TENM2: variants seen among roughly 807,000 people sequenced by gnomAD.
TENM2 encodes the protein teneurin-2.
Under a neutral mutation model 245.2 loss-of-function variants are expected in TENM2, and 52 were observed. The observed-to-expected ratio is 0.21, with a 90% CI of 0.17 to 0.27. TENM2 has a LOEUF of 0.27. TENM2 is among the 10% of genes least tolerant of loss of function. TENM2 has a pLI of 1.00. For synonymous variants in TENM2, 1,363 were observed against 1,438.9 expected (o/e 0.95, Z 1.19); for missense variants, 3,046 against 3,666.8 (o/e 0.83, Z 4.37).
At chr5:167,962,883 G>A (rs1482512250) in intron 4 of TENM2, among the ~76,000 whole-genome samples, 1 of 152,082 alleles carries the variant, frequency 6.6e-6, no homozygotes, top group Non-Finnish European at 1.5e-5. Flanking sequence ...ATGAGATTTG[G>A]GTAGGGACAC....
chr5:168,221,112 A>G (rs76461056), intron 23 of TENM2, among the ~76,000 whole-genome samples: 1 of 104,812 alleles, frequency 9.5e-6, no homozygotes, highest in Non-Finnish European at 2.1e-5. Flanking sequence ...ACTCTGTCTC[A>G]AAAAAAAAAA....
the TENM2 span, among the ~76,000 whole-genome samples, chr5:167,270,868 T>C: frequency 6.6e-6 from 1 of 152,092 alleles, no homozygotes; most frequent in African/African-American, 2.4e-5. Flanking sequence ...ACTTAACCTC[T>C]CAGAATTTAC....
the TENM2 span, among the ~76,000 whole-genome samples, chr5:166,997,259 G>A: frequency 6.6e-6 from 1 of 152,268 alleles, no homozygotes; most frequent in Admixed American, 6.5e-5. Flanking sequence ...TAGTTACCAA[G>A]AAGAACTGAT....
chr5:167,776,599 A>G (rs1388334247), intron 2 of TENM2, among the ~76,000 whole-genome samples: 3 of 83,928 alleles, frequency 3.6e-5, no homozygotes, highest in African/African-American at 1.2e-4. Context: ...GTCTGAAAAA[A>G]AAAAAAAAAA....
At chr5:167,280,206 G>A (rs759993691), upstream of TENM2, among the ~76,000 whole-genome samples, 2 of 152,130 alleles carry the variant, frequency 1.3e-5, no homozygotes, top group Non-Finnish European at 2.9e-5. Context: ...CATGAGACAC[G>A]CAGTGATACC....
intron 2 of TENM2, among the ~76,000 whole-genome samples, chr5:167,594,875 T>A (rs1776099252): frequency 6.6e-6 from 1 of 152,182 alleles, no homozygotes; most frequent in African/African-American, 2.4e-5. Flanking sequence ...GCAATTTTAC[T>A]TACAAACACA....
the TENM2 span, among the ~76,000 whole-genome samples, chr5:167,024,491 A>T: frequency 6.6e-6 from 1 of 152,176 alleles, no homozygotes; most frequent in Non-Finnish European, 1.5e-5. Flanking sequence ...GTGATGAAGA[A>T]AAATGGAGAT....
chr5:168,014,656 C>T (rs985899523), intron 5 of TENM2, among the ~76,000 whole-genome samples: 7 of 152,152 alleles, frequency 4.6e-5, no homozygotes, highest in Non-Finnish European at 8.8e-5. Flanking sequence ...GCCATCTGTG[C>T]AAAGTATTTT....
chr5:168,106,872 G>A (rs1329901632), intron 9 of TENM2, among the ~76,000 whole-genome samples: 2 of 152,168 alleles, frequency 1.3e-5, no homozygotes, highest in African/African-American at 2.4e-5. Flanking sequence ...ACCAGCCTGG[G>A]CAACGTGGTG....
intron 3 of TENM2, among the ~76,000 whole-genome samples, chr5:167,935,650 T>C (rs1024254383): frequency 6.6e-6 from 1 of 152,094 alleles, no homozygotes; most frequent in Non-Finnish European, 1.5e-5. Context: ...TGGTTCCACC[T>C]GCAGGGGAAG....
intron 2 of TENM2, among the ~76,000 whole-genome samples, chr5:167,779,966 C>T (rs752575605): frequency 6.6e-6 from 1 of 152,168 alleles, no homozygotes. Flanking sequence ...AATAAGGCCA[C>T]GATCAAGTTC....
intron 2 of TENM2, among the ~76,000 whole-genome samples, chr5:167,843,234 C>T (rs141152362): frequency 7.9e-4 from 120 of 152,172 alleles, no homozygotes; most frequent in African/African-American, 2.7e-3. Context: ...CGTTTAAGCC[C>T]AATAAAATTA....
intron 5 of TENM2, among the ~76,000 whole-genome samples, chr5:168,041,837 A>G (rs751781010): frequency 6.6e-6 from 1 of 152,232 alleles, no homozygotes; most frequent in Non-Finnish European, 1.5e-5. Context: ...TACCTGGCAC[A>G]TGGTCAAAAT....
At chr5:167,406,514 C>CT (rs1762647407) in intron 2 of TENM2, among the ~76,000 whole-genome samples, 1 of 152,118 alleles carries the variant, frequency 6.6e-6, no homozygotes, top group African/African-American at 2.4e-5. Context: ...ACCAGCTTTA[C>CT]TTTATCAGTT....
At chr5:167,450,484 G>A (rs1257643272) in intron 2 of TENM2, among the ~76,000 whole-genome samples, 1 of 152,156 alleles carries the variant, frequency 6.6e-6, no homozygotes, top group Non-Finnish European at 1.5e-5. Flanking sequence ...ACCAAGAACT[G>A]TATCTCTTAT....
chr5:167,353,776 G>T (rs1353181580), intron 1 of TENM2, among the ~76,000 whole-genome samples: 2 of 151,850 alleles, frequency 1.3e-5, no homozygotes, highest in Non-Finnish European at 2.9e-5. Flanking sequence ...CAAAGTGCTG[G>T]GATTACAGGC....
chr5:167,695,132 TG>T (rs1480576942), intron 2 of TENM2, among the ~76,000 whole-genome samples: 7 of 152,188 alleles, frequency 4.6e-5, no homozygotes, highest in Non-Finnish European at 1.0e-4. Flanking sequence ...TTCCAGAGTA[TG>T]GGAGCTACAC....
intron 2 of TENM2, among the ~76,000 whole-genome samples, chr5:167,453,566 C>G (rs1765734147): frequency 1.3e-5 from 2 of 152,148 alleles, no homozygotes; most frequent in Non-Finnish European, 2.9e-5. Context: ...TTTCTTGACT[C>G]AGTTTCTTCA....
At chr5:167,876,863 G>A (rs1773469038) in intron 3 of TENM2, among the ~76,000 whole-genome samples, 2 of 152,028 alleles carry the variant, frequency 1.3e-5, no homozygotes, top group Admixed American at 1.3e-4. Context: ...CATGGAACAG[G>A]GAAACTGGAC....
Sources: gnomAD v4.1 joint callset for allele counts (sites outside exome capture counted in the v4.1 genomes callset) on GRCh38, gnomAD v4.1.1 for gene constraint, MANE v1.5 for transcripts, NCBI Gene and HGNC (gene_info 2026-07-23, HGNC 2026-07-21) for gene names.